Variants in CADPS2 observed in about 807,000 individuals in gnomAD.
CADPS2 encodes the protein calcium-dependent secretion activator 2.
In CADPS2, 93 loss-of-function variants were observed where a neutral mutation model predicts 172.5. The observed-to-expected ratio is 0.54, with a 90% CI of 0.46 to 0.64. The LOEUF (loss-of-function observed/expected upper bound fraction) is 0.64, where lower values mean the gene tolerates loss of function less well. Ranked by LOEUF, CADPS2 falls within the 30% of genes least tolerant of loss-of-function variation. CADPS2 has a pLI of 0.00. For missense variants in CADPS2, 1,420 were observed against 1,565.9 expected, an observed-to-expected ratio of 0.91 and a Z score of 1.57; for synonymous variants, 546 against 555.2, an observed-to-expected ratio of 0.98 and a Z score of 0.23.
chr7:122,355,853 AG>A (rs2039329255), intron 27 of CADPS2, among the ~76,000 whole-genome samples: 1 of 152,216 alleles, frequency 6.6e-6, no homozygotes, highest in African/African-American at 2.4e-5. Flanking sequence ...TACAGTTTCA[AG>A]GGCACATAGC....
chr7:122,545,379 T>C (rs904244177), intron 8 of CADPS2, among the ~76,000 whole-genome samples: 11 of 152,000 alleles, frequency 7.2e-5, no homozygotes, highest in African/African-American at 2.4e-4. Context: ...GTGAAAGAAA[T>C]AGATTTGAGC....
At chr7:122,541,376 T>TG (rs2062921057) in intron 8 of CADPS2, among the ~76,000 whole-genome samples, 1 of 148,932 alleles carries the variant, frequency 6.7e-6, no homozygotes, top group African/African-American at 2.5e-5. Context: ...TTTTTTTTTT[T>TG]TGTATTTTTA....
At position 122,581,297 on chromosome 7, in the gene CADPS2, T is replaced by G; in HGVS notation, c.1224-7A>C. 6.2e-7 allele frequency: 1 copy of G among 1,607,166 alleles called. No homozygotes were observed. Among genetic ancestry groups the G allele is most frequent in the Non-Finnish European group, 8.5e-7 (1 of 1,174,372 alleles). ...ATCTCCTTGAGTCCCCCATCTGTAA[T>G]GAAGTAAAAAAAATGTTTCTTAAAA... On this transcript the variant is annotated splice_polypyrimidine_tract_variant and splice_region_variant and intron_variant, in intron 6 of 29. Transcript: ENST00000449022.
intron 2 of CADPS2, among the ~76,000 whole-genome samples, chr7:122,731,772 T>C (rs1437228371): frequency 6.6e-6 from 1 of 151,716 alleles, no homozygotes; most frequent in Non-Finnish European, 1.5e-5. Context: ...CTGCCAACTT[T>C]TATTAAGTAG....
intron 27 of CADPS2, among the ~76,000 whole-genome samples, chr7:122,351,861 A>T (rs1446934759): frequency 2.0e-5 from 3 of 152,182 alleles, no homozygotes; most frequent in Non-Finnish European, 4.4e-5. Flanking sequence ...TAGTTACATA[A>T]TTTATACATT....
At chr7:122,747,798 A>G (rs1379309609) in intron 1 of CADPS2, among the ~76,000 whole-genome samples, 1 of 151,362 alleles carries the variant, frequency 6.6e-6, no homozygotes, top group Non-Finnish European at 1.5e-5. Flanking sequence ...ATTTACCTTC[A>G]AAACGCCGTC....
At chr7:122,635,679 T>C (rs977463381) in intron 3 of CADPS2, among the ~76,000 whole-genome samples, 2 of 152,196 alleles carry the variant, frequency 1.3e-5, no homozygotes, top group South Asian at 2.1e-4. Context: ...CAGTCTATCA[T>C]TGTTGGGCAT....
At chr7:122,494,446 T>G (rs1047782046) in intron 9 of CADPS2, among the ~76,000 whole-genome samples, 7 of 152,052 alleles carry the variant, frequency 4.6e-5, no homozygotes, top group Non-Finnish European at 1.0e-4. Context: ...ACGTGACAGA[T>G]TTTTTTCTTA....
chr7:122,582,231 C>T (rs567793785), intron 6 of CADPS2, among the ~76,000 whole-genome samples: 5 of 152,168 alleles, frequency 3.3e-5, no homozygotes, highest in African/African-American at 9.6e-5. Context: ...ACCATTTTCA[C>T]GGAGCTGTCT....
intron 2 of CADPS2, among the ~76,000 whole-genome samples, chr7:122,692,592 C>T (rs1446963102): frequency 2.0e-5 from 3 of 152,218 alleles, no homozygotes; most frequent in Admixed American, 1.3e-4. Flanking sequence ...ACAGCCCATG[C>T]TGCGGCCACA....
At chr7:122,860,065 C>T (rs1313381403) in intron 1 of CADPS2, among the ~76,000 whole-genome samples, 2 of 152,040 alleles carry the variant, frequency 1.3e-5, no homozygotes, top group Non-Finnish European at 2.9e-5. Context: ...TATAAGTGCA[C>T]TAATAAAAAC....
intron 20 of CADPS2, among the ~76,000 whole-genome samples, chr7:122,400,238 C>A (rs1259208750): frequency 6.6e-6 from 1 of 151,670 alleles, no homozygotes; most frequent in African/African-American, 2.4e-5. Flanking sequence ...GAGTTTGAGA[C>A]CAGCTGGACC....
At chr7:122,402,914 T>C (rs779533060) in intron 20 of CADPS2, among the ~76,000 whole-genome samples, 5 of 152,186 alleles carry the variant, frequency 3.3e-5, no homozygotes, top group African/African-American at 1.2e-4. Context: ...ATTTAGACAA[T>C]AACTCTAATT....
chr7:122,518,937 T>C (rs899878075), intron 8 of CADPS2, among the ~76,000 whole-genome samples: 3 of 152,094 alleles, frequency 2.0e-5, no homozygotes, highest in Admixed American at 6.6e-5. Context: ...TCCACCAACC[T>C]ACAGAATTTG....
chr7:122,703,340 A>T (rs2086469299), intron 2 of CADPS2, among the ~76,000 whole-genome samples: 1 of 152,030 alleles, frequency 6.6e-6, no homozygotes, highest in African/African-American at 2.4e-5. Context: ...ATTCTGTGGG[A>T]TGGTTCAACA....
intron 2 of CADPS2, among the ~76,000 whole-genome samples, chr7:122,712,307 C>T (rs1281693221): frequency 6.6e-6 from 1 of 152,154 alleles, no homozygotes; most frequent in Non-Finnish European, 1.5e-5. Flanking sequence ...AAAGGTGCTT[C>T]TCTGGCATGA....
intron 1 of CADPS2, among the ~76,000 whole-genome samples, chr7:122,766,450 A>G (rs1016928032): frequency 6.6e-6 from 1 of 152,142 alleles, no homozygotes; most frequent in Non-Finnish European, 1.5e-5. Flanking sequence ...CTACATTTCT[A>G]ATCATTTTAC....
chr7:122,809,505 G>A (rs1379312770), intron 1 of CADPS2, among the ~76,000 whole-genome samples: 2 of 151,522 alleles, frequency 1.3e-5, no homozygotes, highest in Non-Finnish European at 2.9e-5. Flanking sequence ...GCTTGAACCC[G>A]GGAAGCAGAC....
intron 2 of CADPS2, among the ~76,000 whole-genome samples, chr7:122,708,663 T>C (rs1004726190): frequency 6.6e-6 from 1 of 150,880 alleles, no homozygotes; most frequent in Non-Finnish European, 1.5e-5. Flanking sequence ...TCAAATCCAT[T>C]TAAATTGTAA....
Sources: gnomAD v4.1 joint callset for allele counts (sites outside exome capture counted in the v4.1 genomes callset) on GRCh38, gnomAD v4.1.1 for gene constraint, MANE v1.5 for transcripts, NCBI Gene and HGNC (gene_info 2026-07-23, HGNC 2026-07-21) for gene names.